ASIC2: variants seen among roughly 807,000 people sequenced by gnomAD.
ASIC2 encodes the protein acid-sensing ion channel 2.
A neutral mutation model predicts 57.3 loss-of-function variants in ASIC2; 25 were observed. The ratio of observed to expected loss-of-function variants is 0.44; its 90% CI spans 0.32 to 0.61. The LOEUF (loss-of-function observed/expected upper bound fraction) is 0.61. Among genes scored for constraint, ASIC2 ranks in the 20% least tolerant of loss-of-function variants. The pLI, the probability that ASIC2 is intolerant of heterozygous loss-of-function variation, is 0.06. For missense variants in ASIC2, 641 were observed against 738.1 expected, an observed-to-expected ratio of 0.87 and a Z score of 1.52; for synonymous variants, 319 against 307.5, an observed-to-expected ratio of 1.04 and a Z score of -0.39.
At position 33,672,450 on chromosome 17, in the gene ASIC2, T is replaced by A. The variant is rs1597829855; in HGVS notation, c.555+483528A>T. 9.9e-5 allele frequency among the ~76,000 whole-genome samples: 15 copies of A among 151,076 alleles called. 3 individuals are homozygous for A. The highest frequency in any genetic ancestry group is 3.6e-4 in the African/African-American group (15 of 41,210). On this transcript the variant is annotated intron_variant, in intron 1 of 9. Coordinates refer to the ASIC2 transcript ENST00000359872. ...CTTAAAAAAAAAAAAAGTCTTCACT[T>A]AAAAAAAAATACATCACCCAAACAT...
intron 1 of ASIC2, among the ~76,000 whole-genome samples, chr17:33,924,695 A>G (rs1158048313): frequency 6.6e-6 from 1 of 152,092 alleles, no homozygotes; most frequent in Non-Finnish European, 1.5e-5. Context: ...GGCATTGTGG[A>G]CAGCAGAGAG....
chr17:33,351,008 A>G (rs1414651711), intron 1 of ASIC2, among the ~76,000 whole-genome samples: 1 of 152,144 alleles, frequency 6.6e-6, no homozygotes, highest in Non-Finnish European at 1.5e-5. Context: ...CTTACCTCTC[A>G]GGGAGAATCA....
rs1391215068 is a variant in ASIC2 at position 33,410,770 on chromosome 17, G to A, written c.556-298703C>T. Among the ~76,000 whole-genome samples the A allele has an allele frequency of 2.0e-5, 3 of 152,186 alleles. 1 individual carries two copies. Among genetic ancestry groups the A allele is most frequent in the Non-Finnish European group, 4.4e-5 (3 of 68,034 alleles). ...ATGACTGTTGTACTGTATCATCTTT[G>A]TGAGACAGGCAAAGTTGTCCAGCAT... On this transcript the variant is annotated intron_variant, in intron 1 of 9. Coordinates refer to the ASIC2 transcript ENST00000359872.
chr17:33,436,853 CTTTTTTTTTTTTTTTTT>C (rs71144877), intron 1 of ASIC2, among the ~76,000 whole-genome samples: 1 of 66,616 alleles, frequency 1.5e-5, no homozygotes, highest in African/African-American at 5.0e-5. Flanking sequence ...ATTCCAACTT[CTTTTTTTTTTTTTTTTT>C]TTTTTTTTTT....
chr17:33,465,524 C>A (rs910900652), intron 1 of ASIC2, among the ~76,000 whole-genome samples: 1 of 152,096 alleles, frequency 6.6e-6, no homozygotes, highest in African/African-American at 2.4e-5. Context: ...CAGGCGCATG[C>A]CACCACACCC....
intron 1 of ASIC2, among the ~76,000 whole-genome samples, chr17:33,914,886 G>A (rs1915551132): frequency 6.6e-6 from 1 of 152,214 alleles, no homozygotes; most frequent in Non-Finnish European, 1.5e-5. Flanking sequence ...CAGGTGACAA[G>A]AATGCCCATA....
chr17:33,384,797 GAGCCCA>G (rs1261606892), intron 1 of ASIC2, among the ~76,000 whole-genome samples: 1 of 152,156 alleles, frequency 6.6e-6, no homozygotes, highest in African/African-American at 2.4e-5. Flanking sequence ...CCTAGAACAT[GAGCCCA>G]AGTCCCCTTA....
At chr17:33,187,155 G>C (rs1256087782) in intron 1 of ASIC2, among the ~76,000 whole-genome samples, 1 of 152,192 alleles carries the variant, frequency 6.6e-6, no homozygotes, top group African/African-American at 2.4e-5. Flanking sequence ...ATGAGATGCA[G>C]CAAAAACTGC....
chr17:33,362,788 G>A (rs1347632230), intron 1 of ASIC2, among the ~76,000 whole-genome samples: 1 of 152,208 alleles, frequency 6.6e-6, no homozygotes, highest in Non-Finnish European at 1.5e-5. Flanking sequence ...AAATGTATAT[G>A]TATTACAATC....
intron 1 of ASIC2, among the ~76,000 whole-genome samples, chr17:33,644,266 C>T (rs1269273995): frequency 2.6e-5 from 4 of 152,184 alleles, no homozygotes; most frequent in Admixed American, 6.5e-5. Context: ...ATGCGTTTTT[C>T]CTGCTTTGTG....
At chr17:33,768,257 C>A (rs980417928) in intron 1 of ASIC2, among the ~76,000 whole-genome samples, 1 of 152,126 alleles carries the variant, frequency 6.6e-6, no homozygotes, top group Admixed American at 6.5e-5. Flanking sequence ...TCGCCTGCCT[C>A]AGCCTCCCAA....
Position 33,292,160 on chromosome 17 carries a change from G to C in ASIC2, c.-45C>G. 2 of 1,023,892 alleles carry C rather than the reference G, an allele frequency of 2.0e-6. No homozygotes were observed. Among genetic ancestry groups the C allele is most frequent in the Non-Finnish European group, 2.3e-6 (2 of 857,174 alleles). 63.4% of individuals were successfully genotyped at this position (1,023,892 alleles called of 1,614,324 possible). ...CGGCAGCGGCGGCGGCCCCGGCCGG[G>C]CGGAGCCGCCATGGGAGTCCGCAGC... On this transcript the variant is annotated 5_prime_UTR_variant, in exon 1 of 10. Coordinates refer to ENST00000225823, the MANE Select transcript of ASIC2 (RefSeq NM_183377.2).
intron 1 of ASIC2, among the ~76,000 whole-genome samples, chr17:33,181,162 A>G (rs1905969317): frequency 6.6e-6 from 1 of 152,166 alleles, no homozygotes; most frequent in Non-Finnish European, 1.5e-5. Flanking sequence ...GAGCCATAAT[A>G]TTAGAGTTCT....
intron 1 of ASIC2, among the ~76,000 whole-genome samples, chr17:33,314,790 G>A (rs1906574964): frequency 6.6e-6 from 1 of 152,206 alleles, no homozygotes; most frequent in East Asian, 1.9e-4. Flanking sequence ...TGCTTTGAAA[G>A]CACTTACTTT....
chr17:33,690,337 A>T (rs1481100857), intron 1 of ASIC2, among the ~76,000 whole-genome samples: 1 of 152,186 alleles, frequency 6.6e-6, no homozygotes, highest in Non-Finnish European at 1.5e-5. Context: ...TGAAGCTAGA[A>T]TTTCCAAGTC....
chr17:33,520,659 G>C (rs1029017418), intron 1 of ASIC2, among the ~76,000 whole-genome samples: 6 of 152,208 alleles, frequency 3.9e-5, no homozygotes, highest in African/African-American at 1.4e-4. Context: ...CCTTACCCAC[G>C]GACAGGGCCC....
At chr17:33,494,632 G>A (rs1464103056) in intron 1 of ASIC2, among the ~76,000 whole-genome samples, 2 of 152,050 alleles carry the variant, frequency 1.3e-5, no homozygotes, top group Admixed American at 1.3e-4. Flanking sequence ...AGCACACATT[G>A]TGGGGTCACA....
chr17:33,513,385 T>C (rs1160249040), intron 1 of ASIC2, among the ~76,000 whole-genome samples: 1 of 152,254 alleles, frequency 6.6e-6, no homozygotes, highest in Non-Finnish European at 1.5e-5. Context: ...CTGTGTCCCA[T>C]AGGCTTTGAT....
chr17:33,195,039 A>AAGACGGGTGTG (rs1423214840), intron 1 of ASIC2, among the ~76,000 whole-genome samples: 2 of 152,242 alleles, frequency 1.3e-5, no homozygotes. Flanking sequence ...AGGAGGTAGA[A>AAGACGGGTGTG]AGACGGGTGT....
Sources: gnomAD v4.1 joint callset for allele counts (sites outside exome capture counted in the v4.1 genomes callset) on GRCh38, gnomAD v4.1.1 for gene constraint, MANE v1.5 for transcripts, NCBI Gene and HGNC (gene_info 2026-07-23, HGNC 2026-07-21) for gene names.